PDE1C: variants seen among roughly 807,000 people sequenced by gnomAD.
PDE1C encodes the protein dual specificity calcium/calmodulin-dependent 3',5'-cyclic nucleotide phosphodiesterase 1C.
A neutral mutation model predicts 93.1 loss-of-function variants in PDE1C; 62 were observed. The ratio of observed to expected loss-of-function variants is 0.67; its 90% confidence interval spans 0.54 to 0.82. The LOEUF is 0.82. PDE1C is among the 40% of genes least tolerant of loss of function. The probability of loss-of-function intolerance (pLI) is 0.00; values close to 1 mark genes in which losing one functional copy is unlikely to be tolerated. For missense variants in PDE1C, 742 were observed against 884.6 expected, an observed-to-expected ratio of 0.84 and a Z score of 2.04; for synonymous variants, 325 against 310.1, an observed-to-expected ratio of 1.05 and a Z score of -0.50.
intron 6 of PDE1C, among the ~76,000 whole-genome samples, chr7:31,868,304 G>A (rs912804865): frequency 1.3e-5 from 2 of 151,872 alleles, no homozygotes; most frequent in African/African-American, 2.4e-5. Context: ...AAGAAATCAA[G>A]AAAACAATTC....
At chr7:32,257,802 C>G (rs558916725) in intron 1 of PDE1C, among the ~76,000 whole-genome samples, 77 of 152,344 alleles carry the variant, frequency 5.1e-4, no homozygotes, top group Middle Eastern at 6.8e-3. Flanking sequence ...CCAGCAAGGG[C>G]TCTGCCTGGT....
intron 2 of PDE1C, among the ~76,000 whole-genome samples, chr7:31,979,059 T>C (rs1812041767): frequency 6.6e-6 from 1 of 152,156 alleles, no homozygotes; most frequent in African/African-American, 2.4e-5. Flanking sequence ...ATACAGAACA[T>C]TCACTTTCAC....
At chr7:32,155,935 G>A (rs1162474542) in intron 3 of PDE1C, among the ~76,000 whole-genome samples, 2 of 152,138 alleles carry the variant, frequency 1.3e-5, no homozygotes, top group African/African-American at 2.4e-5. Context: ...GTCAGCAGGA[G>A]CAGGGAGCAG....
intron 3 of PDE1C, among the ~76,000 whole-genome samples, chr7:32,130,425 C>A (rs1799851196): frequency 6.6e-6 from 1 of 152,132 alleles, no homozygotes; most frequent in Non-Finnish European, 1.5e-5. Context: ...CTCCTCCCTG[C>A]TTTCTCTCTC....
At chr7:31,749,357 C>T (rs1198645840), downstream of PDE1C, among the ~76,000 whole-genome samples, 5 of 151,996 alleles carry the variant, frequency 3.3e-5, no homozygotes, top group Non-Finnish European at 7.4e-5. Context: ...TCTTTCCTTA[C>T]GTGGATTGGT....
chr7:32,142,433 G>C (rs1229790543), intron 3 of PDE1C, among the ~76,000 whole-genome samples: 1 of 152,162 alleles, frequency 6.6e-6, no homozygotes, highest in Non-Finnish European at 1.5e-5. Context: ...AGAGGGTGTA[G>C]AAATGGGACA....
chr7:32,355,409 G>T (rs146783270), intron 1 of PDE1C, among the ~76,000 whole-genome samples: 125 of 152,308 alleles, frequency 8.2e-4, no homozygotes, highest in African/African-American at 2.8e-3. Context: ...CAGCTCGCTA[G>T]GTTGAGAGGG....
intron 3 of PDE1C, among the ~76,000 whole-genome samples, chr7:32,127,290 C>G (rs1357330805): frequency 1.3e-5 from 2 of 151,988 alleles, no homozygotes; most frequent in East Asian, 1.9e-4. Context: ...TAATAAATCT[C>G]TTTCTATATT....
chr7:32,300,250 G>C (rs969051296), upstream of PDE1C, among the ~76,000 whole-genome samples: 3 of 152,196 alleles, frequency 2.0e-5, no homozygotes, highest in Non-Finnish European at 4.4e-5. Context: ...AAATGGAATT[G>C]TGTCAGAGTG....
chr7:32,320,566 G>A (rs967473111), intron 1 of PDE1C, among the ~76,000 whole-genome samples: 1 of 151,974 alleles, frequency 6.6e-6, no homozygotes, highest in African/African-American at 2.4e-5. Flanking sequence ...ATTGTTCTAG[G>A]AATATTGTCA....
chr7:32,147,984 T>TAAAAAAAAAAAAAAAC (rs1801004375), intron 3 of PDE1C, among the ~76,000 whole-genome samples: 1 of 79,730 alleles, frequency 1.3e-5, no homozygotes, highest in African/African-American at 5.6e-5. Flanking sequence ...CCATTTATGC[T>TAAAAAAAAAAAAAAAC]AAAAAAAAAA....
intron 17 of PDE1C, among the ~76,000 whole-genome samples, chr7:31,768,229 A>T (rs1037400651): frequency 6.6e-6 from 1 of 152,134 alleles, no homozygotes; most frequent in Admixed American, 6.5e-5. Context: ...AGTGGTGTTT[A>T]CTTGAGACTT....
chr7:32,214,559 A>T (rs1806285840), intron 1 of PDE1C, among the ~76,000 whole-genome samples: 1 of 152,024 alleles, frequency 6.6e-6, no homozygotes, highest in African/African-American at 2.4e-5. Flanking sequence ...AAATGGTGCA[A>T]CTCCGTACAT....
intron 1 of PDE1C, among the ~76,000 whole-genome samples, chr7:32,068,710 C>T (rs561319560): frequency 1.8e-4 from 28 of 152,340 alleles, no homozygotes; most frequent in Admixed American, 8.5e-4. Context: ...TTTGACCAAA[C>T]ACTTGTCTCT....
chr7:31,789,127 A>G (rs775137485), intron 16 of PDE1C: 5 of 152,146 alleles, frequency 3.3e-5, no homozygotes, highest in Non-Finnish European at 7.3e-5. Context: ...TGTGTGACCA[A>G]TAACCACATT....
intron 16 of PDE1C, chr7:31,788,445 G>A (rs1784233994): frequency 6.6e-6 from 1 of 152,092 alleles, no homozygotes; most frequent in Admixed American, 6.5e-5. Flanking sequence ...AAAATTTGGA[G>A]AGAGCTTATA....
the PDE1C span, among the ~76,000 whole-genome samples, chr7:31,645,978 T>C: frequency 6.6e-6 from 1 of 152,098 alleles, no homozygotes. Flanking sequence ...GAAGGTGACA[T>C]TTTGAGAGGC....
At position 31,816,119 on chromosome 7, in the gene PDE1C, G is replaced by A. The variant is rs148832869; in HGVS notation, c.1618C>T (p.Arg540Cys). ...TTTTGCTGCTCCTCTGCGGCCAGGCGAGCCTTTTCCTCTGCTTCCTTCTTG... is the reference window on the plus strand; with the variant it reads ...TTTTGCTGCTCCTCTGCGGCCAGGCAAGCCTTTTCCTCTGCTTCCTTCTTG... ...KAKKEAEEKA[R>C]LAAEEQQKEM... Residue 540 changes from arginine (R) to cysteine (C), a missense_variant, in exon 15 of 18, where the codon CGC becomes TGC. By Grantham distance (180) the Arg-to-Cys change is radical. Coordinates refer to ENST00000396191, the MANE Select transcript of PDE1C (RefSeq NM_001191057.4). The A allele has an allele frequency of 6.1e-5, 99 of 1,613,860 alleles. No homozygotes were observed. The highest frequency in any genetic ancestry group is 1.7e-4 in the Middle Eastern group (1 of 6,056).
intron 2 of PDE1C, among the ~76,000 whole-genome samples, chr7:31,979,435 C>T (rs2129057603): frequency 6.6e-6 from 1 of 152,280 alleles, no homozygotes; most frequent in African/African-American, 2.4e-5. Context: ...GTGCTACGTA[C>T]TACTCTAGGT....
Sources: allele counts gnomAD v4.1 joint callset (sites outside exome capture counted in the v4.1 genomes callset), GRCh38; gene constraint gnomAD v4.1.1; transcripts MANE v1.5; gene names NCBI Gene and HGNC (gene_info 2026-07-23, HGNC 2026-07-21).